Variants in NCKAP5 observed in about 807,000 individuals in gnomAD.
NCKAP5 encodes the protein nck-associated protein 5.
A neutral mutation model predicts 167.0 loss-of-function variants in NCKAP5; 92 were observed. The ratio of observed to expected loss-of-function variants is 0.55; its 90% CI spans 0.47 to 0.66. The LOEUF is 0.66. NCKAP5 is among the 30% of genes least tolerant of loss of function. The probability of loss-of-function intolerance (pLI) is 0.00; values close to 1 mark genes in which losing one functional copy is unlikely to be tolerated. For missense variants in NCKAP5, 2,378 were observed against 2,315.0 expected (o/e 1.03, Z -0.56); for synonymous variants, 891 against 877.4 (o/e 1.02, Z -0.27).
chr2:132,732,092 T>C lies in NCKAP5; in HGVS notation c.5129-41A>G, dbSNP rs751291354. 3 of 1,532,766 alleles carry C rather than the reference T, an allele frequency of 2.0e-6. No individual in the cohort carries two copies. The Admixed American group carries it at 5.9e-5, about 30-fold the overall frequency. The allele number at this position is 1,532,766 out of a possible 1,614,324, so 94.9% of individuals were successfully genotyped here. A position where few individuals can be genotyped will look rare whatever the true frequency, so the allele number is the denominator to read the frequency against. ...AGAGAGAGAAGGGAATAGAGAAGGC[T>C]CACATAAAAGGATAAAAGAATCATG... On this transcript the variant is annotated intron_variant, in intron 16 of 19. Coordinates refer to ENST00000409261, the MANE Select transcript of NCKAP5 (RefSeq NM_207363.3).
chr2:133,515,130 C>T (rs1177918198), intron 3 of NCKAP5, among the ~76,000 whole-genome samples: 1 of 152,142 alleles, frequency 6.6e-6, no homozygotes, highest in Non-Finnish European at 1.5e-5. Flanking sequence ...ACAGGCCAGG[C>T]ATCTTTGATC....
chr2:133,182,146 A>G (rs2084765592), intron 5 of NCKAP5, among the ~76,000 whole-genome samples: 1 of 152,182 alleles, frequency 6.6e-6, no homozygotes, highest in South Asian at 2.1e-4. Flanking sequence ...AGACAAATAC[A>G]CAATTATAGT....
chr2:132,864,534 G>C (rs555811436), intron 10 of NCKAP5, among the ~76,000 whole-genome samples: 43 of 152,082 alleles, frequency 2.8e-4, no homozygotes, highest in African/African-American at 9.9e-4. Flanking sequence ...TTTCTCTGGA[G>C]GATCCACACA....
chr2:133,431,473 G>T (rs1468057087), intron 3 of NCKAP5, among the ~76,000 whole-genome samples: 1 of 152,124 alleles, frequency 6.6e-6, no homozygotes, highest in East Asian at 1.9e-4. Flanking sequence ...GGCCCTGAAG[G>T]CTTTTTCTTT....
At chr2:132,897,405 A>G (rs1693290018) in intron 8 of NCKAP5, among the ~76,000 whole-genome samples, 1 of 152,246 alleles carries the variant, frequency 6.6e-6, no homozygotes, top group Non-Finnish European at 1.5e-5. Context: ...AATAAATTAT[A>G]TACAAAGAAG....
chr2:133,311,985 CTG>C (rs1357026239), intron 3 of NCKAP5, among the ~76,000 whole-genome samples: 2 of 152,176 alleles, frequency 1.3e-5, no homozygotes, highest in African/African-American at 4.8e-5. Flanking sequence ...TCTTGCAACT[CTG>C]AGAAAAATTT....
chr2:132,984,903 T>C (rs1165926783), intron 7 of NCKAP5, among the ~76,000 whole-genome samples: 2 of 149,450 alleles, frequency 1.3e-5, no homozygotes, highest in Non-Finnish European at 3.0e-5. Flanking sequence ...ATATACCTGG[T>C]TAATGATCTA....
At chr2:133,271,293 G>T (rs2089501419) in intron 4 of NCKAP5, among the ~76,000 whole-genome samples, 1 of 151,874 alleles carries the variant, frequency 6.6e-6, no homozygotes, top group Admixed American at 6.6e-5. Flanking sequence ...AAGAAGCCAA[G>T]AACCTGGACA....
At chr2:133,657,215 G>A in the NCKAP5 span, among the ~76,000 whole-genome samples, 1 of 152,132 alleles carries the variant, frequency 6.6e-6, no homozygotes, top group African/African-American at 2.4e-5. Context: ...ACACCTCATT[G>A]TGTGCCCCAG....
intron 6 of NCKAP5, among the ~76,000 whole-genome samples, chr2:133,071,351 A>G (rs936309664): frequency 3.3e-5 from 5 of 151,978 alleles, no homozygotes; most frequent in East Asian, 1.9e-4. Context: ...AGGCTGAGGC[A>G]GGAGAATGGT....
intron 6 of NCKAP5, among the ~76,000 whole-genome samples, chr2:133,007,501 A>G (rs892547234): frequency 6.6e-6 from 1 of 152,176 alleles, no homozygotes; most frequent in Admixed American, 6.5e-5. Flanking sequence ...AGAATAATCT[A>G]TTATACTAGT....
chr2:133,009,599 C>T lies in NCKAP5; in HGVS notation c.342-15360G>A, dbSNP rs1435970050. 3.3e-5 allele frequency among the ~76,000 whole-genome samples: 5 copies of T among 152,274 alleles called. No individual in the cohort carries two copies. The East Asian group carries it at 9.6e-4, about 29-fold the overall frequency. ...TCCCCTCATCCATTTATCTGTTCCT[C>T]TATTTGATAATCATCTGTTGAATGC... On this transcript the variant is annotated intron_variant, in intron 6 of 19. Coordinates refer to ENST00000409261, the MANE Select transcript of NCKAP5 (RefSeq NM_207363.3).
chr2:133,495,910 A>G (rs978353283), intron 3 of NCKAP5, among the ~76,000 whole-genome samples: 6 of 152,176 alleles, frequency 3.9e-5, no homozygotes, highest in African/African-American at 1.4e-4. Flanking sequence ...AAATTAAACA[A>G]CACACTTGCT....
Position 132,784,275 on chromosome 2 carries a change from G to C in NCKAP5, c.2536C>G (p.Arg846Gly), listed in dbSNP as rs1433415713. 4.3e-6 allele frequency: 7 copies of C among 1,612,526 alleles called. No individual in the cohort carries two copies. Among genetic ancestry groups the C allele is most frequent in the African/African-American group, 1.3e-5 (1 of 74,784 alleles). The stretch of plus-strand genomic sequence containing the variant: ...CCTGAGCTCTCAGTCTTCATGAATC[G>C]TGAGAGTTTCCCAGGAGCTAAGGCT... ...SPALAPGKLS[R>G]FMKTESSGPL... is the part of the protein sequence containing the mutation. The change falls in exon 14 of 20, where the codon CGA (arginine) becomes GGA (glycine). Residue 846 changes from arginine to glycine, a missense_variant. Physicochemically the swap from Arg to Gly is moderately radical, Grantham distance 125 (BLOSUM62 -2). This residue lies in a region of NCKAP5 where 1,049 missense variants were observed against 1,023.4 expected (regional missense o/e 1.02). Coordinates refer to ENST00000409261, the MANE Select transcript of NCKAP5 (RefSeq NM_207363.3).
At chr2:132,719,796 G>T (rs1558966356) in intron 19 of NCKAP5, among the ~76,000 whole-genome samples, 2 of 152,320 alleles carry the variant, frequency 1.3e-5, no homozygotes, top group East Asian at 3.9e-4. Flanking sequence ...AGAGTCCAGG[G>T]CGACTCCTTG....
the NCKAP5 span, among the ~76,000 whole-genome samples, chr2:133,583,728 C>T: frequency 2.6e-5 from 4 of 152,072 alleles, no homozygotes; most frequent in Non-Finnish European, 4.4e-5. Context: ...AAGATAAAGT[C>T]AAATGAAAAT....
chr2:132,997,913 C>A (rs2077654182), intron 6 of NCKAP5, among the ~76,000 whole-genome samples: 1 of 152,010 alleles, frequency 6.6e-6, no homozygotes, highest in Admixed American at 6.6e-5. Context: ...TGAGTGGTAT[C>A]AGATTTTCCA....
intron 3 of NCKAP5, among the ~76,000 whole-genome samples, chr2:133,439,370 T>C (rs1399135386): frequency 1.3e-5 from 2 of 152,218 alleles, no homozygotes; most frequent in Non-Finnish European, 2.9e-5. Context: ...GATATATTGC[T>C]CTTTTCAGAA....
intron 7 of NCKAP5, among the ~76,000 whole-genome samples, chr2:132,978,415 G>A (rs1050248090): frequency 2.0e-5 from 3 of 152,188 alleles, no homozygotes; most frequent in African/African-American, 7.2e-5. Context: ...GCTGGTTCCA[G>A]GTCTGCCACT....
Sources: allele counts gnomAD v4.1 joint callset (sites outside exome capture counted in the v4.1 genomes callset), GRCh38; gene constraint gnomAD v4.1.1; regional missense constraint gnomAD v4.1.1; transcripts MANE v1.5; gene names NCBI Gene and HGNC (gene_info 2026-07-23, HGNC 2026-07-21).